The following CCDC60 variants were observed in gnomAD, a reference collection of about 807,000 sequenced individuals.
The protein encoded by CCDC60 is coiled-coil domain-containing protein 60.
Under a neutral mutation model 63.5 loss-of-function variants are expected in CCDC60, and 54 were observed. That is an observed-to-expected ratio of 0.85 (90% confidence interval 0.68 to 1.07). The LOEUF (loss-of-function observed/expected upper bound fraction) is 1.07, where lower values mean the gene tolerates loss of function less well. Ranked by LOEUF, CCDC60 falls within the 50% of genes least tolerant of loss-of-function variation. The probability of loss-of-function intolerance (pLI) is 0.00; values close to 1 mark genes in which losing one functional copy is unlikely to be tolerated. For synonymous variants in CCDC60, 206 were observed against 238.8 expected, an observed-to-expected ratio of 0.86 and a Z score of 1.27; for missense variants, 651 against 684.3, an observed-to-expected ratio of 0.95 and a Z score of 0.54.
intron 1 of CCDC60, among the ~76,000 whole-genome samples, chr12:119,405,579 CA>C (rs1956472902): frequency 6.6e-6 from 1 of 152,308 alleles, no homozygotes; most frequent in East Asian, 1.9e-4. Context: ...CAAATATCAT[CA>C]AAAATCTTCT....
At chr12:119,479,296 C>T in intron 4 of CCDC60, 95 bp downstream of exon 4, 1 of 812,142 alleles carries the variant, frequency 1.2e-6, no homozygotes, top group South Asian at 1.6e-5. Flanking sequence ...AGTAGCTGTT[C>T]CTTTGTCCTC....
rs972111408 is a variant in CCDC60, at chr12:119,479,185, C to G, written c.433C>G (p.Leu145Val). ...CCACAGCTGCATCATTTCTCCCTCG[C>G]TAACCGAGGCTCACGTGTAAGTAGT... ...PIHSCIISPS[L>V]TEAHVEPLFR... The change falls in exon 4 of 14, where the codon CTA becomes GTA. Residue 145 changes from leucine to valine, a missense_variant. Transcript: ENST00000327554. The G allele has an allele frequency of 3.1e-6, 5 of 1,612,932 alleles. No individual in the cohort carries two copies. The highest frequency in any genetic ancestry group is 2.5e-6 in the Non-Finnish European group (3 of 1,179,068).
intron 1 of CCDC60, among the ~76,000 whole-genome samples, chr12:119,394,629 G>A (rs1415802665): frequency 6.6e-6 from 1 of 152,176 alleles, no homozygotes; most frequent in Admixed American, 6.5e-5. Context: ...ACGACCATAT[G>A]GGCAACTGGT....
chr12:119,477,463 T>G (rs1404691304), intron 3 of CCDC60, among the ~76,000 whole-genome samples: 1 of 152,244 alleles, frequency 6.6e-6, no homozygotes, highest in African/African-American at 2.4e-5. Flanking sequence ...ACTGTGTGTT[T>G]GGTTGTACCC....
intron 2 of CCDC60, among the ~76,000 whole-genome samples, chr12:119,447,101 G>A (rs770707626): frequency 6.6e-6 from 1 of 152,196 alleles, no homozygotes; most frequent in African/African-American, 2.4e-5. Flanking sequence ...AAGAAAGGAA[G>A]AGAGCTGGCC....
intron 1 of CCDC60, among the ~76,000 whole-genome samples, chr12:119,412,436 C>T (rs1477046581): frequency 6.6e-6 from 1 of 152,192 alleles, no homozygotes; most frequent in Non-Finnish European, 1.5e-5. Context: ...AACACACATC[C>T]TTCTTATCAG....
At chr12:119,488,153 T>A (rs1951499345) in intron 4 of CCDC60, among the ~76,000 whole-genome samples, 1 of 152,232 alleles carries the variant, frequency 6.6e-6, no homozygotes, top group Non-Finnish European at 1.5e-5. Context: ...GTGAATATTT[T>A]CAAGTAATAT....
In CCDC60 at chr12:119,508,693, G is replaced by A. The variant is rs1378169364; in HGVS notation, c.883+3390G>A. Among the ~76,000 whole-genome samples the A allele has an allele frequency of 4.6e-5, 7 of 152,136 alleles. No individual in the cohort carries two copies. In the East Asian group the frequency reaches 9.6e-4, roughly 21 times the overall value. On this transcript the variant is annotated intron_variant, in intron 7 of 13. Transcript: ENST00000327554. ...GGGAGGCAGGGGCCAGAGCACGCAG[G>A]GCCTTTGTGGAGCAAGTAAGACTTC...
intron 1 of CCDC60, among the ~76,000 whole-genome samples, chr12:119,419,233 C>T (rs1291534793): frequency 3.3e-5 from 5 of 152,230 alleles, no homozygotes; most frequent in African/African-American, 9.7e-5. Flanking sequence ...GTCCTTTCTC[C>T]GTGTCTGCTT....
intron 2 of CCDC60, chr12:119,433,745 A>AT (rs1950276395): frequency 3.3e-6 from 2 of 611,638 alleles, no homozygotes; most frequent in South Asian, 4.0e-5. Flanking sequence ...TTTGTTTAAT[A>AT]TTTTAGCCCT....
chr12:119,497,450 C>A (rs145070883), intron 5 of CCDC60, among the ~76,000 whole-genome samples: 2 of 152,332 alleles, frequency 1.3e-5, no homozygotes, highest in East Asian at 3.9e-4. Context: ...AGAGCAAGGG[C>A]TCCGAGCTTT....
intron 2 of CCDC60, among the ~76,000 whole-genome samples, chr12:119,437,488 T>C (rs1950348818): frequency 6.6e-6 from 1 of 152,230 alleles, no homozygotes. Context: ...CTTTGATATC[T>C]ATAGTGGCAT....
rs192929573 is a variant in CCDC60 at position 119,391,691 on chromosome 12, C to T, written c.91-36992C>T. On this transcript the variant is annotated intron_variant, in intron 1 of 13. Coordinates refer to ENST00000327554, the MANE Select transcript of CCDC60 (RefSeq NM_178499.5). ...CCTAGCAAATGAGAGCTATCGTTAG[C>T]GCTGTTATTACTGTTGTTGTTGGTA... Among the ~76,000 whole-genome samples, 601 of 152,350 alleles carry T rather than the reference C, an allele frequency of 3.9e-3. 3 individuals carry two copies. The highest frequency in any genetic ancestry group is 6.2e-3 in the Non-Finnish European group (421 of 68,032).
intron 1 of CCDC60, among the ~76,000 whole-genome samples, chr12:119,335,715 G>C (rs968181114): frequency 7.9e-5 from 12 of 152,084 alleles, no homozygotes; most frequent in Admixed American, 3.3e-4. Flanking sequence ...TGTCAGATAA[G>C]TATGTTGCGA....
At chr12:119,529,011 A>G (rs758994381) in intron 12 of CCDC60, among the ~76,000 whole-genome samples, 2 of 152,142 alleles carry the variant, frequency 1.3e-5, no homozygotes, top group Non-Finnish European at 2.9e-5. Context: ...AGACTTGCAA[A>G]TAAGGACAAC....
intron 1 of CCDC60, among the ~76,000 whole-genome samples, chr12:119,422,947 A>C (rs1956839544): frequency 6.6e-6 from 1 of 152,172 alleles, no homozygotes. Context: ...AACATAACAC[A>C]ATGTTCATTA....
intron 11 of CCDC60, chr12:119,524,616 T>G (rs1952629026): frequency 4.8e-6 from 1 of 210,248 alleles, no homozygotes; most frequent in South Asian, 1.7e-4. Flanking sequence ...GTCTGGATGT[T>G]GTGGGAGGAA....
At chr12:119,339,215 C>T (rs751095058) in intron 1 of CCDC60, among the ~76,000 whole-genome samples, 14 of 152,036 alleles carry the variant, frequency 9.2e-5, no homozygotes, top group South Asian at 2.1e-4. Context: ...AGGATTACCA[C>T]GGACCCACGA....
chr12:119,362,687 T>C (rs1955802769), intron 1 of CCDC60, among the ~76,000 whole-genome samples: 1 of 152,208 alleles, frequency 6.6e-6, no homozygotes, highest in Non-Finnish European at 1.5e-5. Context: ...ACATATGGAG[T>C]GTTTCCTATT....
Sources: gnomAD v4.1 joint callset for allele counts (sites outside exome capture counted in the v4.1 genomes callset) on GRCh38, gnomAD v4.1.1 for gene constraint, MANE v1.5 for transcripts, NCBI Gene and HGNC (gene_info 2026-07-23, HGNC 2026-07-21) for gene names.